The following SMCHD1 variants were observed in gnomAD, a reference collection of about 807,000 sequenced individuals.
SMCHD1 encodes the protein structural maintenance of chromosomes flexible hinge domain-containing protein 1.
SMCHD1 carries 78 observed loss-of-function variants against 254.7 expected under a neutral mutation model. The ratio of observed to expected loss-of-function variants is 0.31; its 90% CI spans 0.26 to 0.37. The LOEUF is 0.37. Among genes scored for constraint, SMCHD1 ranks in the 10% least tolerant of loss-of-function variants. SMCHD1 has a pLI of 1.00. For missense variants in SMCHD1, 1,840 were observed against 2,408.1 expected (o/e 0.76, Z 4.94); for synonymous variants, 766 against 794.9 (o/e 0.96, Z 0.61).
chr18:2,693,975 T>C (rs1330285261), intron 7 of SMCHD1, among the ~76,000 whole-genome samples: 1 of 152,208 alleles, frequency 6.6e-6, no homozygotes, highest in Non-Finnish European at 1.5e-5. Flanking sequence ...TGGAGAAGTT[T>C]GTAATTTTAT....
At chr18:2,757,371 C>T (rs1190705050) in intron 34 of SMCHD1, among the ~76,000 whole-genome samples, 2 of 150,614 alleles carry the variant, frequency 1.3e-5, no homozygotes, top group African/African-American at 4.8e-5. Flanking sequence ...CCACCACACC[C>T]AGCTAATTTT....
At chr18:2,685,536 A>G (rs1186480386) in intron 5 of SMCHD1, among the ~76,000 whole-genome samples, 2 of 152,160 alleles carry the variant, frequency 1.3e-5, no homozygotes, top group Non-Finnish European at 2.9e-5. Context: ...TACAACTATT[A>G]TTACTATGTA....
intron 47 of SMCHD1, among the ~76,000 whole-genome samples, chr18:2,799,438 A>G (rs1206939272): frequency 1.3e-5 from 2 of 152,116 alleles, no homozygotes; most frequent in African/African-American, 4.8e-5. Flanking sequence ...CCTTACCCCT[A>G]TTCCATCCTT....
At chr18:2,788,867 G>A (rs2076277725) in intron 45 of SMCHD1, among the ~76,000 whole-genome samples, 1 of 152,114 alleles carries the variant, frequency 6.6e-6, no homozygotes, top group South Asian at 2.1e-4. Flanking sequence ...CAAAGTGCTA[G>A]GATTACAATG....
chr18:2,760,003 A>G (rs2075758574), intron 34 of SMCHD1, among the ~76,000 whole-genome samples: 1 of 152,232 alleles, frequency 6.6e-6, no homozygotes, highest in Non-Finnish European at 1.5e-5. Flanking sequence ...TATGTATTCA[A>G]AGCCTGTGCT....
At chr18:2,795,802 T>G in intron 45 of SMCHD1, 147 bp from the exon 46 acceptor site, 1 of 547,698 alleles carries the variant, frequency 1.8e-6, no homozygotes, top group Non-Finnish European at 3.1e-6. Flanking sequence ...TTTTATTTCA[T>G]TTGTTTATAT....
chr18:2,772,552 T>C (rs1337255334), intron 41 of SMCHD1, among the ~76,000 whole-genome samples, 180 bp downstream of exon 41: 2 of 152,240 alleles, frequency 1.3e-5, no homozygotes, highest in African/African-American at 4.8e-5. Flanking sequence ...AAATCTGTAA[T>C]GTTACTATTG....
chr18:2,743,505 A>C (rs537434353), intron 28 of SMCHD1, among the ~76,000 whole-genome samples: 18 of 152,272 alleles, frequency 1.2e-4, no homozygotes, highest in African/African-American at 4.3e-4. Context: ...GAAGAGGGAA[A>C]TTAAGAAAAG....
intron 5 of SMCHD1, among the ~76,000 whole-genome samples, chr18:2,677,555 C>T (rs2073781090): frequency 6.6e-6 from 1 of 152,164 alleles, no homozygotes; most frequent in Non-Finnish European, 1.5e-5. Flanking sequence ...TTTTACAACT[C>T]CAAAAGAAAC....
At chr18:2,716,917 C>T (rs1246131884) in intron 17 of SMCHD1, among the ~76,000 whole-genome samples, 1 of 152,224 alleles carries the variant, frequency 6.6e-6, no homozygotes, top group African/African-American at 2.4e-5. Context: ...AGGCCATACC[C>T]CTCCCAGTCT....
At chr18:2,704,230 A>G (rs1053286842) in intron 13 of SMCHD1, among the ~76,000 whole-genome samples, 2 of 152,166 alleles carry the variant, frequency 1.3e-5, no homozygotes, top group African/African-American at 2.4e-5. Context: ...TTTAAATTCC[A>G]TAATTTATTA....
chr18:2,790,130 C>T (rs181197686), intron 45 of SMCHD1, among the ~76,000 whole-genome samples: 118 of 152,242 alleles, frequency 7.8e-4, no homozygotes, highest in Non-Finnish European at 1.1e-3. Flanking sequence ...TGCAGTGAGC[C>T]GACATCGCGC....
rs779955555 is a variant in SMCHD1 at position 2,688,610 on chromosome 18, CTT to C, written c.754-14_754-13del. On this transcript the variant is annotated splice_polypyrimidine_tract_variant and intron_variant, in intron 6 of 47. Transcript: ENST00000320876. Reference sequence around the variant, plus strand: ...GTTTATTAGGAATTTAAAAAGTACTCTTTTTAATATTTAACAGATGATAAGCA... The same window carrying C: ...GTTTATTAGGAATTTAAAAAGTACTCTTTAATATTTAACAGATGATAAGCA... 4.5e-6 allele frequency: 7 copies of C among 1,565,428 alleles called. No homozygotes were observed. Among genetic ancestry groups the C allele is most frequent in the Non-Finnish European group, 6.1e-6 (7 of 1,155,522 alleles).
intron 17 of SMCHD1, among the ~76,000 whole-genome samples, chr18:2,713,204 G>A (rs1207241107): frequency 1.3e-5 from 2 of 152,142 alleles, no homozygotes; most frequent in Non-Finnish European, 1.5e-5. Flanking sequence ...AAAACTCCAG[G>A]AAAGCAATGA....
rs989127456 is a variant in SMCHD1, at chr18:2,796,139, T to A, written c.5878+32T>A. ...CTTTGCTTTTTGTTAACTTCTACTT[T>A]CTTTATATGGAGATAAATATTTATG... is the stretch of plus-strand genomic sequence containing the variant. On this transcript the variant is annotated intron_variant, in intron 46 of 47. Coordinates refer to ENST00000320876, the MANE Select transcript of SMCHD1 (RefSeq NM_015295.3). 4 of 1,449,294 alleles carry A rather than the reference T, an allele frequency of 2.8e-6. No individual in the cohort carries two copies. In the African/African-American group the frequency reaches 4.3e-5, roughly 16 times the overall value. The allele number at this position is 1,449,294 out of a possible 1,614,324, so 89.8% of individuals were successfully genotyped here.
chr18:2,750,581 C>T (rs1425619120), intron 32 of SMCHD1, 74 bp downstream of exon 32: 1 of 1,307,016 alleles, frequency 7.7e-7, no homozygotes, highest in South Asian at 1.5e-5. Flanking sequence ...AATTACTTAT[C>T]CTAGGTTAAG....
intron 45 of SMCHD1, among the ~76,000 whole-genome samples, chr18:2,786,520 C>T (rs562553761): frequency 1.3e-4 from 20 of 151,926 alleles, no homozygotes; most frequent in Non-Finnish European, 2.6e-4. Context: ...GGTAAAACCC[C>T]ATCTTTACTA....
chr18:2,683,902 C>G (rs1218899036), intron 5 of SMCHD1, among the ~76,000 whole-genome samples: 1 of 151,596 alleles, frequency 6.6e-6, no homozygotes, highest in Admixed American at 6.6e-5. Context: ...TTTAATGTAC[C>G]TTTATTATTA....
chr18:2,796,422 G>A lies in SMCHD1; in HGVS notation c.5894G>A (p.Arg1965His), dbSNP rs755578313. 13 of 1,592,534 alleles carry A rather than the reference G, an allele frequency of 8.2e-6. No homozygotes were observed. Among genetic ancestry groups the A allele is most frequent in the South Asian group, 2.3e-5 (2 of 87,386 alleles). Residue 1965 changes from arginine (R) to histidine (H), a missense_variant, in exon 47 of 48, where the codon CGT becomes CAT. This residue lies in a region of SMCHD1 where 132 missense variants were observed against 138.2 expected (regional missense o/e 0.95). Transcript: ENST00000320876. ...ATCTTCACAGGTATGACTCCCATAC[G>A]TAAGTGTAATGACTCATTGCGTCAT... ...IEEKLGMTPI[R>H]KCNDSLRHSP...
Sources: gnomAD v4.1 joint callset for allele counts (sites outside exome capture counted in the v4.1 genomes callset) on GRCh38, gnomAD v4.1.1 for gene constraint, gnomAD v4.1.1 regional missense constraint, MANE v1.5 for transcripts, NCBI Gene and HGNC (gene_info 2026-07-23, HGNC 2026-07-21) for gene names.